The following CDKAL1 variants were observed in gnomAD, a reference collection of about 807,000 sequenced individuals.
CDKAL1 encodes CDKAL1 threonylcarbamoyladenosine tRNA methylthiotransferase, also known as threonylcarbamoyladenosine tRNA methylthiotransferase.
Under a neutral mutation model 68.2 loss-of-function variants are expected in CDKAL1, and 32 were observed. The ratio of observed to expected loss-of-function variants is 0.47; its 90% confidence interval spans 0.35 to 0.63. The LOEUF is 0.63. Ranked by LOEUF, CDKAL1 falls within the 30% of genes least tolerant of loss-of-function variation. CDKAL1 has a pLI of 0.00. For synonymous variants in CDKAL1, 234 were observed against 244.3 expected (o/e 0.96, Z 0.39); for missense variants, 606 against 696.7 (o/e 0.87, Z 1.47).
intron 9 of CDKAL1, among the ~76,000 whole-genome samples, chr6:20,902,960 G>A (rs147408588): frequency 3.4e-4 from 51 of 152,174 alleles, no homozygotes; most frequent in Non-Finnish European, 5.0e-4. Context: ...TTCTACTTGG[G>A]CTGTCACTGT....
intron 5 of CDKAL1, among the ~76,000 whole-genome samples, chr6:20,673,107 G>A (rs1242564767): frequency 2.0e-5 from 3 of 152,178 alleles, no homozygotes; most frequent in Non-Finnish European, 2.9e-5. Flanking sequence ...TTAATTTAGG[G>A]AGAACTGATA....
chr6:21,228,134 CT>C (rs2151130256), intron 15 of CDKAL1, among the ~76,000 whole-genome samples: 1 of 152,234 alleles, frequency 6.6e-6, no homozygotes, highest in Admixed American at 6.5e-5. Flanking sequence ...TTCCCTGAAG[CT>C]CGTGTAGCCA....
chr6:20,932,714 A>G (rs1002883532), intron 9 of CDKAL1, among the ~76,000 whole-genome samples: 12 of 152,268 alleles, frequency 7.9e-5, no homozygotes, highest in South Asian at 2.1e-4. Flanking sequence ...TTTAGAGAAT[A>G]TGATTTCCTT....
intron 4 of CDKAL1, among the ~76,000 whole-genome samples, chr6:20,635,006 GA>G: frequency 6.8e-6 from 1 of 146,638 alleles, no homozygotes; most frequent in African/African-American, 2.5e-5. Context: ...AAAGAAGAAA[GA>G]AAAAAAGGAT....
chr6:20,704,295 G>A (rs1455830136), intron 5 of CDKAL1, among the ~76,000 whole-genome samples: 1 of 152,134 alleles, frequency 6.6e-6, no homozygotes, highest in Non-Finnish European at 1.5e-5. Context: ...GGTAGCAACT[G>A]TTAGGAAGAA....
At chr6:21,096,533 A>AT (rs1227460333) in intron 12 of CDKAL1, among the ~76,000 whole-genome samples, 2 of 152,240 alleles carry the variant, frequency 1.3e-5, no homozygotes, top group African/African-American at 4.8e-5. Flanking sequence ...CAGGATACTA[A>AT]TTAGCAAAAC....
chr6:20,913,424 C>T (rs1314829858), intron 9 of CDKAL1, among the ~76,000 whole-genome samples: 1 of 152,174 alleles, frequency 6.6e-6, no homozygotes, highest in Non-Finnish European at 1.5e-5. Context: ...TTGTGGGCCT[C>T]TCCAATATGG....
chr6:20,641,689 C>G (rs1768182543), intron 4 of CDKAL1, among the ~76,000 whole-genome samples: 2 of 152,196 alleles, frequency 1.3e-5, no homozygotes. Context: ...ATGTTGCTTT[C>G]TAAACAGGCA....
At chr6:21,201,021 A>G (rs1174124812) in intron 14 of CDKAL1, 89 bp from the exon 15 acceptor site, 16 of 1,228,192 alleles carry the variant, frequency 1.3e-5, no homozygotes, top group African/African-American at 3.0e-5. Flanking sequence ...TCTCCATACT[A>G]TCTTTGCAAT....
At chr6:21,229,724 C>T (rs1249992063) in intron 15 of CDKAL1, among the ~76,000 whole-genome samples, 1 of 152,184 alleles carries the variant, frequency 6.6e-6, no homozygotes, top group African/African-American at 2.4e-5. Context: ...TTCCATCTCT[C>T]AAAATGTTAT....
At chr6:21,075,038 A>G (rs749610031) in intron 12 of CDKAL1, among the ~76,000 whole-genome samples, 10 of 152,102 alleles carry the variant, frequency 6.6e-5, no homozygotes, top group Non-Finnish European at 1.3e-4. Context: ...GAACATATGT[A>G]CAATTATTGT....
chr6:21,176,799 A>T (rs1777601593), intron 13 of CDKAL1, among the ~76,000 whole-genome samples: 1 of 144,926 alleles, frequency 6.9e-6, no homozygotes, highest in Non-Finnish European at 1.5e-5. Context: ...GCTTCAAGTG[A>T]TTCTCTTGCC....
rs1367755784 is a variant in CDKAL1, at chr6:21,231,110, G to A, written c.*71G>A. ...TAAAATCTTCAATGAACAGGAAAGC[G>A]ACATCTCCATTCTCCAAGGGCAATA... On this transcript the variant is annotated 3_prime_UTR_variant, in exon 16 of 16. Coordinates refer to ENST00000274695, the MANE Select transcript of CDKAL1 (RefSeq NM_017774.3). The A allele has an allele frequency of 1.0e-5, 13 of 1,240,340 alleles. No individual in the cohort carries two copies. The highest frequency in any genetic ancestry group is 7.1e-5 in the East Asian group (3 of 41,996). The allele number at this position is 1,240,340 out of a possible 1,614,324, so 76.8% of individuals were successfully genotyped here. A position where few individuals can be genotyped will look rare whatever the true frequency, so the allele number is the denominator to read the frequency against.
At chr6:20,836,742 TCTC>T (rs2150476042) in intron 8 of CDKAL1, among the ~76,000 whole-genome samples, 1 of 152,274 alleles carries the variant, frequency 6.6e-6, no homozygotes, top group African/African-American at 2.4e-5. Context: ...ATCATTCCCT[TCTC>T]CTGTTCCAAT....
At chr6:20,732,272 T>C (rs1434142193) in intron 5 of CDKAL1, among the ~76,000 whole-genome samples, 2 of 125,066 alleles carry the variant, frequency 1.6e-5, no homozygotes, top group South Asian at 3.0e-4. Flanking sequence ...TCTTTTTTTT[T>C]TTTTTTTTTT....
chr6:21,051,381 T>C (rs1009539036), intron 11 of CDKAL1, among the ~76,000 whole-genome samples: 4 of 152,176 alleles, frequency 2.6e-5, no homozygotes, highest in Admixed American at 6.5e-5. Context: ...CTCAAAAAAA[T>C]AGTAATAATA....
chr6:20,836,233 C>T (rs757472696), intron 8 of CDKAL1, among the ~76,000 whole-genome samples: 27 of 152,084 alleles, frequency 1.8e-4, no homozygotes, highest in African/African-American at 4.3e-4. Context: ...ATCAAACTGA[C>T]GATTATGTTA....
At chr6:20,856,426 A>C (rs972815289) in intron 9 of CDKAL1, among the ~76,000 whole-genome samples, 23 of 152,194 alleles carry the variant, frequency 1.5e-4, no homozygotes, top group Non-Finnish European at 2.6e-4. Flanking sequence ...TTCCAGCACA[A>C]TTGAATGCTG....
intron 5 of CDKAL1, among the ~76,000 whole-genome samples, chr6:20,651,584 A>T (rs896110334): frequency 1.3e-5 from 2 of 151,994 alleles, no homozygotes; most frequent in Non-Finnish European, 2.9e-5. Context: ...AGAACTTCCA[A>T]TGCTGTGTTG....
Sources: allele counts gnomAD v4.1 joint callset (sites outside exome capture counted in the v4.1 genomes callset), GRCh38; gene constraint gnomAD v4.1.1; transcripts MANE v1.5; gene names NCBI Gene and HGNC (gene_info 2026-07-23, HGNC 2026-07-21).